Variants in KCNQ5 observed in about 807,000 individuals in gnomAD.
The protein encoded by KCNQ5 is potassium voltage-gated channel subfamily KQT member 5.
In KCNQ5, 30 loss-of-function variants were observed where a neutral mutation model predicts 98.2. The ratio of observed to expected loss-of-function variants is 0.31; its 90% CI spans 0.23 to 0.41. The LOEUF is 0.41. KCNQ5 is among the 10% of genes least tolerant of loss of function. The pLI, the probability that KCNQ5 is intolerant of heterozygous loss-of-function variation, is 1.00. For missense variants in KCNQ5, 835 were observed against 1,182.5 expected (o/e 0.71, Z 4.31); for synonymous variants, 458 against 449.4 (o/e 1.02, Z -0.24).
intron 2 of KCNQ5, among the ~76,000 whole-genome samples, chr6:73,006,292 G>A (rs1363685591): frequency 6.6e-6 from 1 of 150,806 alleles, no homozygotes; most frequent in Non-Finnish European, 1.5e-5. Flanking sequence ...GAGACATATC[G>A]AAGGAATTAC....
intron 1 of KCNQ5, among the ~76,000 whole-genome samples, chr6:72,853,870 G>T (rs2150145255): frequency 6.6e-6 from 1 of 152,202 alleles, no homozygotes; most frequent in African/African-American, 2.4e-5. Flanking sequence ...AAATTATCAT[G>T]TTTCTTATAA....
intron 10 of KCNQ5, among the ~76,000 whole-genome samples, chr6:73,155,835 A>T (rs1777340283): frequency 6.6e-6 from 1 of 152,224 alleles, no homozygotes; most frequent in African/African-American, 2.4e-5. Flanking sequence ...AAGCAAAGTG[A>T]AAATAAAAAC....
intron 1 of KCNQ5, among the ~76,000 whole-genome samples, chr6:72,897,655 AC>A (rs1332170695): frequency 6.6e-6 from 1 of 152,204 alleles, no homozygotes; most frequent in Non-Finnish European, 1.5e-5. Flanking sequence ...AAACGAACAA[AC>A]AAAAATAGAA....
At chr6:72,873,707 G>A (rs899176112) in intron 1 of KCNQ5, among the ~76,000 whole-genome samples, 21 of 152,030 alleles carry the variant, frequency 1.4e-4, no homozygotes, top group African/African-American at 4.6e-4. Flanking sequence ...AATAGGAGTA[G>A]TGTTTTTCGT....
At chr6:73,072,139 T>C (rs1489437449) in intron 3 of KCNQ5, among the ~76,000 whole-genome samples, 2 of 152,162 alleles carry the variant, frequency 1.3e-5, no homozygotes, top group East Asian at 1.9e-4. Flanking sequence ...AAATTTATGT[T>C]AGTTATTAGG....
intron 1 of KCNQ5, among the ~76,000 whole-genome samples, chr6:72,691,371 T>C (rs1233752980): frequency 6.6e-6 from 1 of 152,258 alleles, no homozygotes. Flanking sequence ...GGGTCTTACA[T>C]TGAGCAATTT....
intron 1 of KCNQ5, among the ~76,000 whole-genome samples, chr6:72,623,033 A>AG (rs1438037576): frequency 6.6e-6 from 1 of 151,688 alleles, no homozygotes; most frequent in African/African-American, 2.4e-5. Context: ...GGGAGAAGTG[A>AG]GGGGGCATCG....
intron 9 of KCNQ5, among the ~76,000 whole-genome samples, chr6:73,131,493 T>C (rs1776236535): frequency 1.3e-5 from 2 of 152,020 alleles, no homozygotes; most frequent in African/African-American, 4.8e-5. Context: ...TTAATCTGAA[T>C]AAAGGTGCAG....
At chr6:72,747,599 T>A (rs966524865) in intron 1 of KCNQ5, among the ~76,000 whole-genome samples, 3 of 152,136 alleles carry the variant, frequency 2.0e-5, no homozygotes, top group African/African-American at 7.2e-5. Context: ...TGATATTTTT[T>A]ATAATACTAT....
intron 6 of KCNQ5, among the ~76,000 whole-genome samples, chr6:73,106,877 T>G (rs1022946792): frequency 6.6e-6 from 1 of 152,130 alleles, no homozygotes; most frequent in African/African-American, 2.4e-5. Context: ...GTGCTTGTCA[T>G]GAAGAGAACT....
At chr6:72,808,515 T>C (rs1775067051) in intron 1 of KCNQ5, among the ~76,000 whole-genome samples, 1 of 152,214 alleles carries the variant, frequency 6.6e-6, no homozygotes, top group African/African-American at 2.4e-5. Context: ...CTATGTCTTA[T>C]GTTACTCATC....
rs111231146 is a variant in KCNQ5 at position 73,075,356 on chromosome 6, G to C, written c.617-1966G>C. On this transcript the variant is annotated intron_variant, in intron 3 of 13. Transcript: ENST00000370398. Reference sequence around the variant, plus strand: ...TCATGCCTCAGCCTTCCAAGTAGCTGGGATTACAGGCACGTGCCACCACAC... The same window carrying C: ...TCATGCCTCAGCCTTCCAAGTAGCTCGGATTACAGGCACGTGCCACCACAC... Among the ~76,000 whole-genome samples the C allele has an allele frequency of 3.6e-3, 541 of 151,920 alleles. 3 individuals are homozygous for C. Among genetic ancestry groups the C allele is most frequent in the Non-Finnish European group, 5.3e-3 (362 of 67,966 alleles).
chr6:72,685,406 TATACATGCATATA>T (rs1315982745), intron 1 of KCNQ5, among the ~76,000 whole-genome samples: 1 of 152,246 alleles, frequency 6.6e-6, no homozygotes, highest in Non-Finnish European at 1.5e-5. Context: ...TTGAGCTGGA[TATACATGCATATA>T]ATACAAAATC....
chr6:72,838,135 G>T, intron 1 of KCNQ5, among the ~76,000 whole-genome samples: 1 of 116,138 alleles, frequency 8.6e-6, no homozygotes. Context: ...CCCGACACCA[G>T]GTTATTTGAT....
chr6:72,819,795 C>T (rs1347353361), intron 1 of KCNQ5, among the ~76,000 whole-genome samples: 1 of 152,172 alleles, frequency 6.6e-6, no homozygotes, highest in Non-Finnish European at 1.5e-5. Context: ...TGTCCCAGTG[C>T]CTCTTGAGCT....
chr6:73,001,225 T>G (rs1769554296), intron 1 of KCNQ5, among the ~76,000 whole-genome samples: 1 of 152,206 alleles, frequency 6.6e-6, no homozygotes, highest in Non-Finnish European at 1.5e-5. Context: ...AGCATTTTTC[T>G]TAGCACTTAT....
intron 1 of KCNQ5, among the ~76,000 whole-genome samples, chr6:72,966,504 G>T (rs1767620695): frequency 1.3e-5 from 2 of 152,024 alleles, no homozygotes; most frequent in African/African-American, 4.8e-5. Context: ...GGAGGCAGAG[G>T]TTGCAGTGAG....
chr6:73,049,553 G>A (rs77406600), intron 3 of KCNQ5, among the ~76,000 whole-genome samples: 2,484 of 152,246 alleles, frequency 0.016, 63 homozygotes, highest in African/African-American at 0.056. Context: ...TCTTGTTAGA[G>A]TCAAATTTAA....
chr6:73,105,145 A>G (rs990531691), intron 5 of KCNQ5, 112 bp from the exon 6 acceptor site: 13 of 573,070 alleles, frequency 2.3e-5, no homozygotes, highest in Non-Finnish European at 4.0e-5. Flanking sequence ...AAAAAGCACG[A>G]ACAAGATTTG....
Sources: gnomAD v4.1 joint callset for allele counts (sites outside exome capture counted in the v4.1 genomes callset) on GRCh38, gnomAD v4.1.1 for gene constraint, MANE v1.5 for transcripts, NCBI Gene and HGNC (gene_info 2026-07-23, HGNC 2026-07-21) for gene names.